The following SEL1L2 variants were observed in gnomAD, a reference collection of about 807,000 sequenced individuals.
SEL1L2 encodes protein sel-1 homolog 2.
SEL1L2 carries 89 observed loss-of-function variants against 98.8 expected under a neutral mutation model. The ratio of observed to expected loss-of-function variants is 0.90; its 90% confidence interval spans 0.76 to 1.07. The LOEUF (loss-of-function observed/expected upper bound fraction) is 1.07. SEL1L2 is among the 50% of genes least tolerant of loss of function. The pLI is 0.00. For missense variants in SEL1L2, 788 were observed against 812.0 expected (o/e 0.97, Z 0.36); for synonymous variants, 262 against 278.5 (o/e 0.94, Z 0.59).
In SEL1L2 at chr20:13,866,730, A is replaced by C. The variant is rs1568849454; in HGVS notation, c.1376T>G (p.Val459Gly). ...CACAGCAGTTCTGCATGATCTTACTACTCCTGTTCCTGTTGCATACATCTT... is the reference window on the plus strand; with the variant it reads ...CACAGCAGTTCTGCATGATCTTACTCCTCCTGTTCCTGTTGCATACATCTT... ...LAKMYATGTG[V>G]VRSCRTAVEL... The change falls in exon 15 of 20, where the codon GTA (valine) becomes GGA (glycine). Residue 459 changes from valine (V) to glycine (G), a missense_variant. By Grantham distance (109) the Val-to-Gly change is moderately radical (BLOSUM62 -3). Transcript: ENST00000284951. 1 of 1,600,416 alleles carries C rather than the reference A, an allele frequency of 6.2e-7. No individual in the cohort carries two copies. Among genetic ancestry groups the C allele is most frequent in the East Asian group, 2.3e-5 (1 of 44,274 alleles).
In SEL1L2 at chr20:13,849,618, A is replaced by C; in HGVS notation, c.1948-14T>G. Reference sequence around the variant, plus strand: ...TCTCGTTGTGAACTGCTGGCAAGAGACATTCTCTCAAAAACAATCCAAGCT... The same window carrying C: ...TCTCGTTGTGAACTGCTGGCAAGAGCCATTCTCTCAAAAACAATCCAAGCT... On this transcript the variant is annotated splice_polypyrimidine_tract_variant and intron_variant, in intron 19 of 19. Coordinates refer to ENST00000284951, the MANE Select transcript of SEL1L2 (RefSeq NM_025229.2). The C allele has an allele frequency of 4.3e-6, 7 of 1,612,714 alleles. No homozygotes were observed. The South Asian group carries it at 7.7e-5, about 18-fold the overall frequency.
At position 13,888,124 on chromosome 20, in the gene SEL1L2, A is replaced by G. The variant is rs1744612191; in HGVS notation, c.604-123T>C. ...TAATGACCCATTGAGTTACTCCAAA[A>G]TAAATTTCAAATTTCACTCTCCTTT... On this transcript the variant is annotated intron_variant, in intron 6 of 19. Transcript: ENST00000284951. 3 of 792,642 alleles carry G rather than the reference A, an allele frequency of 3.8e-6. No individual in the cohort carries two copies. In the African/African-American group the frequency reaches 5.2e-5, roughly 14 times the overall value. The allele number at this position is 792,642 out of a possible 1,614,324, so 49.1% of individuals were successfully genotyped here.
intron 5 of SEL1L2, among the ~76,000 whole-genome samples, chr20:13,910,640 A>G (rs1481781424): frequency 6.6e-6 from 1 of 152,240 alleles, no homozygotes; most frequent in African/African-American, 2.4e-5. Flanking sequence ...ATTTGTGGCC[A>G]GTGGTTAGAC....
intron 2 of SEL1L2, among the ~76,000 whole-genome samples, chr20:13,955,502 G>A (rs1006569966): frequency 3.9e-5 from 6 of 152,076 alleles, no homozygotes; most frequent in Non-Finnish European, 8.8e-5. Flanking sequence ...ACAGTAGTAG[G>A]AGCTGATATC....
At chr20:13,859,599 G>C (rs1160018655) in intron 17 of SEL1L2, among the ~76,000 whole-genome samples, 165 bp from the exon 18 acceptor site, 1 of 152,176 alleles carries the variant, frequency 6.6e-6, no homozygotes, top group Non-Finnish European at 1.5e-5. Flanking sequence ...ACTGGAATTA[G>C]ATATACTTTA....
intron 1 of SEL1L2, among the ~76,000 whole-genome samples, chr20:13,984,450 T>A (rs1281619909): frequency 1.3e-5 from 2 of 152,244 alleles, no homozygotes; most frequent in Non-Finnish European, 2.9e-5. Flanking sequence ...GCAATTTCTA[T>A]GTTCTTAGTA....
intron 4 of SEL1L2, among the ~76,000 whole-genome samples, chr20:13,918,433 A>G (rs1273605352): frequency 1.3e-5 from 2 of 152,152 alleles, no homozygotes; most frequent in Non-Finnish European, 2.9e-5. Context: ...TAGAAAAGTG[A>G]TAAGAGAAAC....
intron 15 of SEL1L2, 78 bp from the exon 16 acceptor site, chr20:13,865,592 C>T: frequency 1.6e-6 from 2 of 1,263,844 alleles, no homozygotes; most frequent in African/African-American, 1.5e-5. Flanking sequence ...GGAAATCAGT[C>T]TTCAGCTCCT....
At chr20:13,858,086 C>T (rs931946909) in intron 18 of SEL1L2, among the ~76,000 whole-genome samples, 2 of 152,014 alleles carry the variant, frequency 1.3e-5, no homozygotes, top group Non-Finnish European at 2.9e-5. Flanking sequence ...CTTAGGGTGC[C>T]AGGGCTAATG....
intron 1 of SEL1L2, 101 bp downstream of exon 1, chr20:13,990,376 A>G (rs1297434676): frequency 5.1e-6 from 4 of 784,608 alleles, no homozygotes; most frequent in Non-Finnish European, 8.8e-6. Context: ...TTAGGGATAT[A>G]GTAAAGTTAC....
intron 10 of SEL1L2, among the ~76,000 whole-genome samples, chr20:13,879,140 T>C (rs1375708883): frequency 6.6e-6 from 1 of 152,102 alleles, no homozygotes; most frequent in Non-Finnish European, 1.5e-5. Context: ...GATCGAGGCC[T>C]CATGAAAGAT....
chr20:13,910,124 G>A (rs1043010828), intron 5 of SEL1L2, among the ~76,000 whole-genome samples: 7 of 152,106 alleles, frequency 4.6e-5, no homozygotes, highest in African/African-American at 1.2e-4. Flanking sequence ...CAAAACACAC[G>A]TATCTAAGTA....
chr20:13,953,955 C>T (rs1214107315), intron 2 of SEL1L2, among the ~76,000 whole-genome samples: 1 of 152,200 alleles, frequency 6.6e-6, no homozygotes, highest in African/African-American at 2.4e-5. Flanking sequence ...CCTCTGTAAT[C>T]AGGATCATTC....
intron 1 of SEL1L2, among the ~76,000 whole-genome samples, chr20:13,986,569 A>G (rs1336942289): frequency 6.6e-6 from 1 of 152,218 alleles, no homozygotes; most frequent in Non-Finnish European, 1.5e-5. Flanking sequence ...AACACCTATG[A>G]GCACTTCATT....
At chr20:13,961,967 C>T (rs2050797495) in intron 1 of SEL1L2, among the ~76,000 whole-genome samples, 1 of 152,162 alleles carries the variant, frequency 6.6e-6, no homozygotes, top group Non-Finnish European at 1.5e-5. Context: ...AGGGGAATAA[C>T]TTGTCTTTTT....
chr20:13,947,423 C>T (rs1490122279), intron 2 of SEL1L2, among the ~76,000 whole-genome samples: 3 of 152,092 alleles, frequency 2.0e-5, no homozygotes, highest in African/African-American at 7.2e-5. Flanking sequence ...TCATCAGGAC[C>T]ACCTGCCTGC....
At chr20:13,865,304 C>A (rs763430590) in intron 16 of SEL1L2, 45 bp downstream of exon 16, 1 of 1,583,386 alleles carries the variant, frequency 6.3e-7, no homozygotes, top group Admixed American at 1.7e-5. Flanking sequence ...GTCATACATG[C>A]ATATGTATGA....
At chr20:13,889,425 A>G (rs953199594) in intron 5 of SEL1L2, among the ~76,000 whole-genome samples, 1 of 152,228 alleles carries the variant, frequency 6.6e-6, no homozygotes, top group African/African-American at 2.4e-5. Flanking sequence ...GCTTTAGTAT[A>G]AATTATAGCA....
intron 3 of SEL1L2, among the ~76,000 whole-genome samples, chr20:13,921,456 G>C (rs370119458): frequency 6.6e-6 from 1 of 152,162 alleles, no homozygotes; most frequent in East Asian, 1.9e-4. Context: ...ACAGGCGTGA[G>C]TCACCACACT....
Sources: allele counts gnomAD v4.1 joint callset (sites outside exome capture counted in the v4.1 genomes callset), GRCh38; gene constraint gnomAD v4.1.1; transcripts MANE v1.5; gene names NCBI Gene and HGNC (gene_info 2026-07-23, HGNC 2026-07-21).